Variants in NLGN1 observed in about 807,000 individuals in gnomAD.
The protein encoded by NLGN1 is neuroligin 1.
A neutral mutation model predicts 65.5 loss-of-function variants in NLGN1; 12 were observed. The ratio of observed to expected loss-of-function variants is 0.18; its 90% CI spans 0.12 to 0.30. The LOEUF (loss-of-function observed/expected upper bound fraction) is 0.30, where lower values mean the gene tolerates loss of function less well. NLGN1 is among the 10% of genes least tolerant of loss of function. NLGN1 has a pLI of 1.00. For synonymous variants in NLGN1, 350 were observed against 359.5 expected, an observed-to-expected ratio of 0.97 and a Z score of 0.30; for missense variants, 750 against 1,007.1, an observed-to-expected ratio of 0.74 and a Z score of 3.46.
chr3:173,945,886 C>T (rs370264534), intron 4 of NLGN1, among the ~76,000 whole-genome samples: 94 of 152,298 alleles, frequency 6.2e-4, no homozygotes, highest in African/African-American at 2.1e-3. Flanking sequence ...TTGCAATCTC[C>T]CTGTGAAAAT....
At chr3:173,819,803 A>G (rs1214605983) in intron 4 of NLGN1, among the ~76,000 whole-genome samples, 1 of 152,234 alleles carries the variant, frequency 6.6e-6, no homozygotes, top group East Asian at 1.9e-4. Flanking sequence ...TGCTCTGCAT[A>G]CGTAATCAAA....
chr3:174,002,743 C>A (rs1234547451), intron 4 of NLGN1, among the ~76,000 whole-genome samples: 3 of 151,782 alleles, frequency 2.0e-5, no homozygotes, highest in Non-Finnish European at 4.4e-5. Flanking sequence ...ATAGCACCCC[C>A]TGGGGGAAAA....
intron 4 of NLGN1, among the ~76,000 whole-genome samples, chr3:174,210,317 G>C (rs1736220203): frequency 6.6e-6 from 1 of 152,222 alleles, no homozygotes; most frequent in African/African-American, 2.4e-5. Context: ...AAGATACAGG[G>C]GATGAAGGCT....
chr3:173,754,259 G>C (rs1016810954), intron 3 of NLGN1, among the ~76,000 whole-genome samples: 5 of 151,710 alleles, frequency 3.3e-5, no homozygotes, highest in Admixed American at 6.6e-5. Flanking sequence ...TTTTGTCCAG[G>C]TTGGTCTTCT....
At chr3:173,473,248 A>G (rs1439067039) in intron 2 of NLGN1, among the ~76,000 whole-genome samples, 2 of 152,238 alleles carry the variant, frequency 1.3e-5, no homozygotes, top group Non-Finnish European at 2.9e-5. Context: ...GTACGAAAAT[A>G]TAGAAAATGT....
At chr3:173,736,813 A>T (rs1773845566) in intron 3 of NLGN1, among the ~76,000 whole-genome samples, 1 of 152,058 alleles carries the variant, frequency 6.6e-6, no homozygotes, top group Admixed American at 6.6e-5. Context: ...TTTTTCATAT[A>T]CCTACCCACT....
At chr3:173,811,639 A>AG (rs1295009423) in intron 4 of NLGN1, among the ~76,000 whole-genome samples, 1 of 151,808 alleles carries the variant, frequency 6.6e-6, no homozygotes, top group African/African-American at 2.4e-5. Context: ...GTGTTCTTAA[A>AG]GGGGGGAAAT....
chr3:174,164,798 G>A (rs1727197834), intron 4 of NLGN1, among the ~76,000 whole-genome samples: 1 of 151,470 alleles, frequency 6.6e-6, no homozygotes, highest in Non-Finnish European at 1.5e-5. Flanking sequence ...TAGTGTGATG[G>A]CGCTGGCTTT....
intron 4 of NLGN1, among the ~76,000 whole-genome samples, chr3:173,920,220 A>C (rs1173008918): frequency 6.6e-6 from 1 of 152,090 alleles, no homozygotes. Flanking sequence ...CTAGCCTACT[A>C]CTAGACTAGA....
At chr3:173,768,628 C>G (rs1198048481) in intron 3 of NLGN1, among the ~76,000 whole-genome samples, 1 of 152,092 alleles carries the variant, frequency 6.6e-6, no homozygotes, top group East Asian at 1.9e-4. Context: ...AAAAAATAAC[C>G]TTTCTATCAA....
At chr3:173,837,285 A>G (rs1479893811) in intron 4 of NLGN1, among the ~76,000 whole-genome samples, 1 of 152,142 alleles carries the variant, frequency 6.6e-6, no homozygotes, top group Non-Finnish European at 1.5e-5. Flanking sequence ...AGTTTTTAAT[A>G]CATATAAAAT....
intron 1 of NLGN1, among the ~76,000 whole-genome samples, chr3:173,434,159 G>T (rs968899013): frequency 6.6e-6 from 1 of 152,132 alleles, no homozygotes. Flanking sequence ...ACAACTATGT[G>T]TTATAGTTTA....
At chr3:173,816,433 A>C (rs930646606) in intron 4 of NLGN1, among the ~76,000 whole-genome samples, 3 of 152,214 alleles carry the variant, frequency 2.0e-5, no homozygotes, top group Non-Finnish European at 4.4e-5. Context: ...ACCTCTCTTA[A>C]AGCAACACTG....
intron 4 of NLGN1, among the ~76,000 whole-genome samples, chr3:174,194,240 C>A (rs58314913): frequency 0.2 from 30,995 of 151,826 alleles, 3,572 homozygotes; most frequent in African/African-American, 0.3. Flanking sequence ...AGACGGATAA[C>A]GAAGTCAAGA....
Position 174,012,860 on chromosome 3 carries a change from A to G in NLGN1, c.646+205028A>G, listed in dbSNP as rs544112608. On this transcript the variant is annotated intron_variant, in intron 4 of 6. Coordinates refer to ENST00000457714, the Ensembl canonical transcript of NLGN1. Reference sequence around the variant, plus strand: ...TATAGTAGACATGTTAGATTTGGATATAACAGTTAAGCAAGGGCTTCAATT... The same window carrying G: ...TATAGTAGACATGTTAGATTTGGATGTAACAGTTAAGCAAGGGCTTCAATT... 1.1e-3 allele frequency among the ~76,000 whole-genome samples: 160 copies of G among 152,340 alleles called. 1 individual carries two copies. Among genetic ancestry groups the G allele is most frequent in the Non-Finnish European group, 1.9e-3 (132 of 68,022 alleles).
chr3:174,115,687 A>C (rs374929657), intron 4 of NLGN1, among the ~76,000 whole-genome samples: 20 of 152,272 alleles, frequency 1.3e-4, no homozygotes, highest in African/African-American at 4.6e-4. Context: ...GTAGAGATAA[A>C]GGGAGCCTGG....
intron 5 of NLGN1, among the ~76,000 whole-genome samples, chr3:174,278,420 T>A (rs965395900): frequency 1.3e-5 from 2 of 151,880 alleles, no homozygotes; most frequent in Non-Finnish European, 2.9e-5. Context: ...TAGAGAACCA[T>A]TTTGAAGGAA....
chr3:173,906,878 C>CAAAAA (rs1224471514), intron 4 of NLGN1, among the ~76,000 whole-genome samples: 169 of 87,998 alleles, frequency 1.9e-3, no homozygotes, highest in Middle Eastern at 6.0e-3. Context: ...CAAACAAAAA[C>CAAAAA]AAAAAAAAAA....
At chr3:173,398,902 C>G (rs1381932388) in intron 1 of NLGN1, among the ~76,000 whole-genome samples, 1 of 152,044 alleles carries the variant, frequency 6.6e-6, no homozygotes. Flanking sequence ...TAATTGTGCT[C>G]AATTATTAAT....
Sources: allele counts gnomAD v4.1 joint callset (sites outside exome capture counted in the v4.1 genomes callset), GRCh38; gene constraint gnomAD v4.1.1; transcripts MANE v1.5; gene names NCBI Gene and HGNC (gene_info 2026-07-23, HGNC 2026-07-21).